The following RABAC1 variants were observed in gnomAD, a reference collection of about 807,000 sequenced individuals.
RABAC1 encodes prenylated Rab acceptor protein 1.
RABAC1 carries 16 observed loss-of-function variants against 22.9 expected under a neutral mutation model. The observed-to-expected ratio is 0.70, with a 90% CI of 0.47 to 1.06. The LOEUF is 1.06. Among genes scored for constraint, RABAC1 ranks in the 50% least tolerant of loss-of-function variants. The pLI is 0.00. For synonymous variants in RABAC1, 139 were observed against 107.7 expected (o/e 1.29, Z -1.80); for missense variants, 227 against 246.5 (o/e 0.92, Z 0.53).
chr19:41,958,281 C>T lies in RABAC1; in HGVS notation c.367+5G>A. ...AAGGATTCATCTGGGCAGGGGGTTT[C>T]TCACCAAAGAGCACAAGCTTGGACT... On this transcript the variant is annotated splice_donor_5th_base_variant and intron_variant, in intron 3 of 4. Coordinates refer to ENST00000222008, the MANE Select transcript of RABAC1 (RefSeq NM_006423.3). 6.2e-7 allele frequency: 1 copy of T among 1,608,914 alleles called. No individual in the cohort carries two copies.
At chr19:41,957,475 G>T (rs956201670) in intron 3 of RABAC1, 1 of 252,546 alleles carries the variant, frequency 4.0e-6, no homozygotes, top group African/African-American at 2.2e-5. Flanking sequence ...AATCTGACCT[G>T]TGGATGTGTT....
rs568968443 is a variant in RABAC1 at position 41,959,123 on chromosome 19, A to G, written c.56+114T>C. The G allele has an allele frequency of 8.3e-5, 123 of 1,473,784 alleles. 1 individual carries two copies. In the South Asian group the frequency reaches 1.3e-3, roughly 16 times the overall value. 91.3% of individuals were successfully genotyped at this position (1,473,784 alleles called of 1,614,324 possible). On this transcript the variant is annotated intron_variant, in intron 1 of 4. Transcript: ENST00000222008. The stretch of plus-strand genomic sequence containing the variant: ...GTCCCATTAGAGGAGACCGGGGCCA[A>G]CACTTCTGCGGCTCGGGGCTGGGAC...
chr19:41,957,127 C>G lies in RABAC1; in HGVS notation c.368-8G>C. ...CTGGGCTCACCTCTCGGCCTGGGGG[C>G]AGATGGCATTGGGGTGCTGTTCCGA... On this transcript the variant is annotated splice_region_variant and splice_polypyrimidine_tract_variant and intron_variant, in intron 3 of 4. Coordinates refer to ENST00000222008, the MANE Select transcript of RABAC1 (RefSeq NM_006423.3). The G allele has an allele frequency of 6.2e-7, 1 of 1,612,084 alleles. No individual in the cohort carries two copies. Among genetic ancestry groups the G allele is most frequent in the Non-Finnish European group, 8.5e-7 (1 of 1,178,918 alleles).
In RABAC1 at chr19:41,958,364, G is replaced by A. The variant is rs782322291; in HGVS notation, c.289C>T (p.Leu97=). 59 of 1,613,408 alleles carry A rather than the reference G, an allele frequency of 3.7e-5. 1 individual carries two copies. In the Middle Eastern group the frequency reaches 9.9e-4, roughly 27 times the overall value. Reference sequence around the variant, plus strand: ...CCGAAAAAGACAGCCAGAGCCACCAGCAACATAGGGGACGTCACCCTGGAG... The same window carrying A: ...CCGAAAAAGACAGCCAGAGCCACCAACAACATAGGGGACGTCACCCTGGAG... ...LYCVVTSPML[L]VALAVFFGAC... Residue 97 remains leucine (L), a synonymous_variant, in exon 3 of 5, where the codon CTG becomes TTG. Coordinates refer to ENST00000222008, the MANE Select transcript of RABAC1 (RefSeq NM_006423.3).
At position 41,958,961 on chromosome 19, in the gene RABAC1, G is replaced by A. The variant is rs782071733; in HGVS notation, c.57-13C>T. The A allele has an allele frequency of 7.1e-6, 11 of 1,552,962 alleles. No individual in the cohort carries two copies. Among genetic ancestry groups the A allele is most frequent in the Admixed American group, 1.9e-5 (1 of 52,314 alleles). On this transcript the variant is annotated splice_polypyrimidine_tract_variant and intron_variant, in intron 1 of 4. Transcript: ENST00000222008. ...CGGCAGCAGGGTCCTGCGGGGGGTG[G>A]GGCCGGGTCAGTGGTGGACCGGGAT...
At position 41,959,303 on chromosome 19, in the gene RABAC1, TGAGGGGTA is replaced by T. The variant is rs1555857390; in HGVS notation, c.-19_-12del. 1 of 1,613,524 alleles carries T rather than the reference TGAGGGGTA, an allele frequency of 6.2e-7. No individual in the cohort carries two copies. The highest frequency in any genetic ancestry group is 2.2e-5 in the East Asian group (1 of 44,878). ...CTTCTGCGCTGCCATGTCTGCGTCG[TGAGGGGTA>T]GAGCTGCTGTAACCAGCCCGGTACC... is the stretch of plus-strand genomic sequence containing the variant. On this transcript the variant is annotated 5_prime_UTR_variant, in exon 1 of 5. Transcript: ENST00000222008.
Position 41,956,828 on chromosome 19 carries a change from C to A in RABAC1, c.*18G>T, listed in dbSNP as rs782403737. 2 of 1,593,672 alleles carry A rather than the reference C, an allele frequency of 1.3e-6. No individual in the cohort carries two copies. Among genetic ancestry groups the A allele is most frequent in the Non-Finnish European group, 1.7e-6 (2 of 1,167,464 alleles). On this transcript the variant is annotated 3_prime_UTR_variant, in exon 5 of 5. Transcript: ENST00000222008. ...TGGGGCAGCTGGCCCGGGAGGCCGGCAGGTCCCAGAAGACACCTCACACGG... is the reference window on the plus strand; with the variant it reads ...TGGGGCAGCTGGCCCGGGAGGCCGGAAGGTCCCAGAAGACACCTCACACGG...
chr19:41,958,958 G>C lies in RABAC1; in HGVS notation c.57-10C>G, dbSNP rs782025099. On this transcript the variant is annotated splice_polypyrimidine_tract_variant and intron_variant, in intron 1 of 4. Transcript: ENST00000222008. Reference sequence around the variant, plus strand: ...CTTCGGCAGCAGGGTCCTGCGGGGGGTGGGGCCGGGTCAGTGGTGGACCGG... The same window carrying C: ...CTTCGGCAGCAGGGTCCTGCGGGGGCTGGGGCCGGGTCAGTGGTGGACCGG... The C allele has an allele frequency of 1.3e-6, 2 of 1,554,062 alleles. No individual in the cohort carries two copies. The highest frequency in any genetic ancestry group is 2.4e-5 in the East Asian group (1 of 42,308).
chr19:41,959,271 G>T lies in RABAC1; in HGVS notation c.22C>A (p.Gln8Lys). The T allele has an allele frequency of 6.2e-7, 1 of 1,613,704 alleles. No individual in the cohort carries two copies. Among genetic ancestry groups the T allele is most frequent in the Non-Finnish European group, 8.5e-7 (1 of 1,179,934 alleles). Residue 8 changes from glutamine (Q) to lysine (K), a missense_variant, in exon 1 of 5, where the codon CAG (glutamine) becomes AAG (lysine). Physicochemically the swap from Gln to Lys is moderately conservative, Grantham distance 53. Transcript: ENST00000222008. MAAQKDQ[Q>K]KDAEAEGLSG... is the part of the protein sequence containing the mutation. ...AGCCCTTCCGCCTCGGCATCTTTCT[G>T]CTGGTCCTTCTGCGCTGCCATGTCT...
rs556018960 is a variant in RABAC1, at chr19:41,958,232, CA to C, written c.367+53del. 2,722 of 1,530,334 alleles carry C rather than the reference CA, an allele frequency of 1.8e-3. 9 individuals are homozygous for C. The highest frequency in any genetic ancestry group is 1.5e-3 in the Non-Finnish European group (1,649 of 1,120,194). 94.8% of individuals were successfully genotyped at this position (1,530,334 alleles called of 1,614,324 possible). On this transcript the variant is annotated intron_variant, in intron 3 of 4. Coordinates refer to ENST00000222008, the MANE Select transcript of RABAC1 (RefSeq NM_006423.3). Reference sequence around the variant, plus strand: ...TGGGGTCTGAGGTCTGTCTGCATTCCAAAAGACCAAGATTTGAGGGACCAAG... The same window carrying C: ...TGGGGTCTGAGGTCTGTCTGCATTCCAAAGACCAAGATTTGAGGGACCAAG...
chr19:41,958,670 G>A, intron 2 of RABAC1, 66 bp downstream of exon 2: 2 of 1,517,802 alleles, frequency 1.3e-6, no homozygotes, highest in Admixed American at 1.9e-5. Flanking sequence ...GGCGGGGCCT[G>A]AGCGGCGAGA....
chr19:41,958,880 AT>A lies in RABAC1; in HGVS notation c.124del (p.Ile42SerfsTer50). The A allele has an allele frequency of 6.2e-7, 1 of 1,601,100 alleles. No individual in the cohort carries two copies. The highest frequency in any genetic ancestry group is 1.1e-5 in the South Asian group (1 of 90,442). ...GTCCACGAAGGTGCTCCAGGGCCGGATGGTCGCGCGGCGCCGCTCCAGCCAC... is the reference window on the plus strand; with the variant it reads ...GTCCACGAAGGTGCTCCAGGGCCGGAGGTCGCGCGGCGCCGCTCCAGCCAC... ...REWLERRRAT[I>X]RPWSTFVDQQ... On this transcript the variant is annotated frameshift_variant, in exon 2 of 5. Transcript: ENST00000222008. LOFTEE classifies it high-confidence loss of function.
chr19:41,958,219 T>C, intron 3 of RABAC1, 67 bp downstream of exon 3: 1 of 1,457,486 alleles, frequency 6.9e-7, no homozygotes, highest in Non-Finnish European at 9.4e-7. Flanking sequence ...GGGTCTGAGG[T>C]CTGTCTGCAT....
chr19:41,959,170 G>A, intron 1 of RABAC1, 67 bp downstream of exon 1: 1 of 1,599,392 alleles, frequency 6.3e-7, no homozygotes, highest in Non-Finnish European at 8.5e-7. Context: ...GAGGGAGGAG[G>A]GAGGAGGGGG....
At position 41,956,735 on chromosome 19, in the gene RABAC1, C is replaced by T. The variant is rs376922336; in HGVS notation, c.*111G>A. The T allele has an allele frequency of 1.4e-4, 141 of 977,356 alleles. 1 individual carries two copies. The highest frequency in any genetic ancestry group is 2.5e-4 in the African/African-American group (15 of 60,532). The allele number at this position is 977,356 out of a possible 1,614,324, so 60.5% of individuals were successfully genotyped here. A position where few individuals can be genotyped will look rare whatever the true frequency, so the allele number is the denominator to read the frequency against. On this transcript the variant is annotated 3_prime_UTR_variant, in exon 5 of 5. Transcript: ENST00000222008. ...TATTTTCAAAGGCGGGATCCCTCCC[C>T]GGGCTTGTGATGGGACGGCGCTGTG... is the stretch of plus-strand genomic sequence containing the variant.
intron 1 of RABAC1, 134 bp downstream of exon 1, chr19:41,959,103 A>T (rs1047245537): frequency 5.0e-6 from 7 of 1,387,610 alleles, no homozygotes; most frequent in Middle Eastern, 2.3e-4. Context: ...CCAGGGTCCC[A>T]TTAGAGGAGA....
At chr19:41,957,225 C>G (rs1259253073) in intron 3 of RABAC1, 106 bp from the exon 4 acceptor site, 1 of 933,878 alleles carries the variant, frequency 1.1e-6, no homozygotes, top group East Asian at 2.6e-5. Flanking sequence ...TTCTCGGGAT[C>G]GAATCCAAAC....
At chr19:41,958,092 G>T in intron 3 of RABAC1, 194 bp downstream of exon 3, 1 of 568,442 alleles carries the variant, frequency 1.8e-6, no homozygotes, top group South Asian at 2.0e-5. Flanking sequence ...AGCAATTTGA[G>T]GGGGCTGAGA....
intron 3 of RABAC1, 170 bp downstream of exon 3, chr19:41,958,116 T>C (rs1397961645): frequency 1.6e-6 from 1 of 615,564 alleles, no homozygotes; most frequent in African/African-American, 1.9e-5. Flanking sequence ...GATGGAAGGA[T>C]CGGTTGTGTC....
Sources: gnomAD v4.1 joint callset for allele counts on GRCh38, gnomAD v4.1.1 for gene constraint, MANE v1.5 for transcripts, NCBI Gene and HGNC (gene_info 2026-07-23, HGNC 2026-07-21) for gene names.